Variants in TACR3 observed in about 807,000 individuals in gnomAD.
TACR3 encodes neuromedin-K receptor.
A neutral mutation model predicts 35.0 loss-of-function variants in TACR3; 34 were observed. The ratio of observed to expected loss-of-function variants is 0.97; its 90% confidence interval spans 0.74 to 1.30. The LOEUF (loss-of-function observed/expected upper bound fraction) is 1.30. TACR3 is among the 50% of genes most tolerant of loss of function. TACR3 has a pLI of 0.00. For synonymous variants in TACR3, 233 were observed against 221.1 expected, an observed-to-expected ratio of 1.05 and a Z score of -0.48; for missense variants, 558 against 591.7, an observed-to-expected ratio of 0.94 and a Z score of 0.59.
intron 3 of TACR3, among the ~76,000 whole-genome samples, chr4:103,604,834 C>G (rs1274235480): frequency 6.9e-6 from 1 of 144,724 alleles, no homozygotes; most frequent in African/African-American, 2.7e-5. Flanking sequence ...TTTTTTTTTT[C>G]TTTTTATTAT....
chr4:103,611,835 G>T (rs1393684009), intron 3 of TACR3, among the ~76,000 whole-genome samples: 1 of 152,078 alleles, frequency 6.6e-6, no homozygotes. Flanking sequence ...ATAAGTCATG[G>T]TTGTTTCTTT....
At chr4:103,689,361 TG>T (rs911173483) in intron 1 of TACR3, among the ~76,000 whole-genome samples, 4 of 152,004 alleles carry the variant, frequency 2.6e-5, no homozygotes, top group Non-Finnish European at 5.9e-5. Flanking sequence ...GTAACTAACC[TG>T]CACATTGTGC....
intron 1 of TACR3, among the ~76,000 whole-genome samples, chr4:103,693,840 GATA>G (rs1722465235): frequency 1.3e-5 from 2 of 151,966 alleles, no homozygotes; most frequent in South Asian, 4.1e-4. Context: ...AGACCTTAAT[GATA>G]ATATTTTTGT....
chr4:103,601,115 G>GACTT (rs2110290478), intron 3 of TACR3, among the ~76,000 whole-genome samples: 1 of 152,204 alleles, frequency 6.6e-6, no homozygotes, highest in Non-Finnish European at 1.5e-5. Context: ...GGTCGCTAAG[G>GACTT]ACTTGCTTTA....
rs1425067007 is a variant in TACR3 at position 103,650,735 on chromosome 4, T to C, written c.888+5459A>G. Among the ~76,000 whole-genome samples, 53 of 79,384 alleles carry C rather than the reference T, an allele frequency of 6.7e-4. 1 individual carries two copies. The highest frequency in any genetic ancestry group is 9.9e-4 in the Non-Finnish European group (47 of 47,266). The allele number at this position is 79,384 out of a possible 152,430, so 52.1% of individuals were successfully genotyped here. ...AATATATATAAATAAATATATATTA[T>C]ATCATATATAATATATATATTATAT... On this transcript the variant is annotated intron_variant, in intron 3 of 4. Coordinates refer to ENST00000304883, the MANE Select transcript of TACR3 (RefSeq NM_001059.3).
rs773050241 is a variant in TACR3 at position 103,591,548 on chromosome 4, A to C, written c.1024T>G (p.Phe342Val). Reference sequence around the variant, plus strand: ...ATGGTTGAGCTCATTGCCAGCCAAAAGCTAGCCAGGTAGACCTGCTGGATG... The same window carrying C: ...ATGGTTGAGCTCATTGCCAGCCAAACGCTAGCCAGGTAGACCTGCTGGATG... ...KYIQQVYLAS[F>V]WLAMSSTMYN... Residue 342 changes from phenylalanine (F) to valine (V), a missense_variant, in exon 4 of 5, where the codon TTT becomes GTT. Physicochemically the swap from Phe to Val is conservative, Grantham distance 50 (BLOSUM62 -1). Coordinates refer to ENST00000304883, the MANE Select transcript of TACR3 (RefSeq NM_001059.3). 6.2e-7 allele frequency: 1 copy of C among 1,613,924 alleles called. No individual in the cohort carries two copies.
chr4:103,602,382 A>C (rs1359737078), intron 3 of TACR3, among the ~76,000 whole-genome samples: 1 of 150,926 alleles, frequency 6.6e-6, no homozygotes, highest in Admixed American at 6.6e-5. Flanking sequence ...TCTTCTCTCA[A>C]CTCCTCTAAG....
intron 3 of TACR3, among the ~76,000 whole-genome samples, chr4:103,604,957 T>A: frequency 6.8e-6 from 1 of 147,210 alleles, no homozygotes; most frequent in African/African-American, 2.5e-5. Flanking sequence ...ATTAGGTATA[T>A]CTCCCAATGC....
At chr4:103,676,413 G>GTCAACCT in intron 1 of TACR3, among the ~76,000 whole-genome samples, 1 of 152,110 alleles carries the variant, frequency 6.6e-6, no homozygotes, top group Admixed American at 6.5e-5. Flanking sequence ...GCAGTAGACA[G>GTCAACCT]TCAACCTAAG....
At chr4:103,623,646 C>T (rs1204681006) in intron 3 of TACR3, among the ~76,000 whole-genome samples, 1 of 152,016 alleles carries the variant, frequency 6.6e-6, no homozygotes. Flanking sequence ...ATAGGAAGAC[C>T]AGAGAGCAAT....
At position 103,700,744 on chromosome 4, in the gene TACR3, A is replaced by T. The variant is rs553520308; in HGVS notation, c.548+18384T>A. On this transcript the variant is annotated intron_variant, in intron 1 of 4. Coordinates refer to ENST00000304883, the MANE Select transcript of TACR3 (RefSeq NM_001059.3). The stretch of plus-strand genomic sequence containing the variant: ...ATCCCTGGGATGCAAGGCTGGTTCA[A>T]CATACACAAATCAATAAACATAATC... Among the ~76,000 whole-genome samples the T allele has an allele frequency of 2.0e-5, 3 of 152,326 alleles. No homozygotes were observed. The South Asian group carries it at 6.2e-4, about 32-fold the overall frequency.
intron 1 of TACR3, among the ~76,000 whole-genome samples, chr4:103,667,659 G>T (rs1180385872): frequency 1.3e-5 from 2 of 151,952 alleles, no homozygotes; most frequent in African/African-American, 4.8e-5. Context: ...TACACTAAAA[G>T]ACCACACTTT....
chr4:103,701,170 C>A (rs1722640933), intron 1 of TACR3, among the ~76,000 whole-genome samples: 2 of 149,760 alleles, frequency 1.3e-5, no homozygotes, highest in Non-Finnish European at 1.5e-5. Context: ...AGCCCAAAAT[C>A]TCCTCAAGCT....
intron 3 of TACR3, among the ~76,000 whole-genome samples, chr4:103,616,544 C>T (rs1724665448): frequency 6.6e-6 from 1 of 152,050 alleles, no homozygotes; most frequent in African/African-American, 2.4e-5. Flanking sequence ...TCAGTAGAAA[C>T]CCTAATTTTC....
At chr4:103,643,524 C>A (rs1691155091) in intron 3 of TACR3, among the ~76,000 whole-genome samples, 1 of 151,642 alleles carries the variant, frequency 6.6e-6, no homozygotes, top group African/African-American at 2.4e-5. Context: ...AGTTGTTTTG[C>A]ATTCTGTAGG....
chr4:103,637,772 C>A (rs556100433), intron 3 of TACR3, among the ~76,000 whole-genome samples: 2 of 152,082 alleles, frequency 1.3e-5, no homozygotes, highest in Non-Finnish European at 2.9e-5. Context: ...GCAAAAATCA[C>A]AAGCATTCTT....
intron 3 of TACR3, among the ~76,000 whole-genome samples, chr4:103,595,971 A>G (rs544350949): frequency 2.1e-5 from 3 of 145,192 alleles, no homozygotes; most frequent in South Asian, 4.4e-4. Context: ...TCATTGTTCA[A>G]TACCCACCTA....
chr4:103,656,980 A>C (rs546674478), intron 2 of TACR3, among the ~76,000 whole-genome samples: 13 of 152,182 alleles, frequency 8.5e-5, no homozygotes, highest in African/African-American at 3.1e-4. Context: ...ACAAAAAAAC[A>C]TGTCGACATA....
chr4:103,713,198 C>G (rs943474469), intron 1 of TACR3, among the ~76,000 whole-genome samples: 4 of 152,008 alleles, frequency 2.6e-5, no homozygotes, highest in Non-Finnish European at 5.9e-5. Flanking sequence ...CGGCACTACT[C>G]ACAATAGCAA....
Sources: allele counts gnomAD v4.1 joint callset (sites outside exome capture counted in the v4.1 genomes callset), GRCh38; gene constraint gnomAD v4.1.1; transcripts MANE v1.5; gene names NCBI Gene and HGNC (gene_info 2026-07-23, HGNC 2026-07-21).